Variants in HERC3 observed in about 807,000 individuals in gnomAD.
HERC3 encodes HECT and RLD domain containing E3 ubiquitin protein ligase 3.
In HERC3, 58 loss-of-function variants were observed where a neutral mutation model predicts 129.9. The ratio of observed to expected loss-of-function variants is 0.45; its 90% CI spans 0.36 to 0.56. HERC3 has a LOEUF of 0.56. HERC3 is among the 20% of genes least tolerant of loss of function. The probability of loss-of-function intolerance (pLI) is 0.00; values close to 1 mark genes in which losing one functional copy is unlikely to be tolerated. For synonymous variants in HERC3, 430 were observed against 451.0 expected, an observed-to-expected ratio of 0.95 and a Z score of 0.59; for missense variants, 835 against 1,244.2, an observed-to-expected ratio of 0.67 and a Z score of 4.95.
At chr4:88,697,109 C>A (rs1734675431) in intron 23 of HERC3, 2 of 1,259,638 alleles carry the variant, frequency 1.6e-6, no homozygotes, top group South Asian at 3.7e-5. Context: ...GTATTTTGGT[C>A]AAAAACCTGA....
chr4:88,546,898 T>C, the HERC3 span, among the ~76,000 whole-genome samples: 1 of 152,220 alleles, frequency 6.6e-6, no homozygotes, highest in Non-Finnish European at 1.5e-5. Flanking sequence ...CCTGAGTTAC[T>C]ATTCTTCAAT....
At position 88,605,953 on chromosome 4, in the gene HERC3, A is replaced by G; in HGVS notation, c.130A>G (p.Asn44Asp). ...RSVKEVACGGNHSVFLLEDGE... is the reference protein window; with the variant it reads ...RSVKEVACGGDHSVFLLEDGE... ...TGTCAAGGAAGTGGCCTGTGGGGGAAACCACTCTGTGTTCCTGCTGGAAGA... is the reference window on the plus strand; with the variant it reads ...TGTCAAGGAAGTGGCCTGTGGGGGAGACCACTCTGTGTTCCTGCTGGAAGA... Residue 44 changes from asparagine (N) to aspartate (D), a missense_variant, in exon 3 of 26, where the codon AAC (asparagine) becomes GAC (aspartate). By Grantham distance (23) the Asn-to-Asp change is conservative. Coordinates refer to ENST00000402738, the MANE Select transcript of HERC3 (RefSeq NM_014606.3). The G allele has an allele frequency of 1.9e-6, 3 of 1,614,150 alleles. No individual in the cohort carries two copies. The highest frequency in any genetic ancestry group is 2.5e-6 in the Non-Finnish European group (3 of 1,180,030).
intron 3 of HERC3, among the ~76,000 whole-genome samples, chr4:88,629,700 A>G (rs1412602860): frequency 6.6e-6 from 1 of 152,222 alleles, no homozygotes; most frequent in Non-Finnish European, 1.5e-5. Flanking sequence ...TTGGATTTGT[A>G]TCATAACTTT....
At chr4:88,544,543 A>G in the HERC3 span, among the ~76,000 whole-genome samples, 1 of 152,230 alleles carries the variant, frequency 6.6e-6, no homozygotes, top group African/African-American at 2.4e-5. Context: ...TAGAAATATC[A>G]TTTGACCCAG....
chr4:88,657,482 A>C (rs1560728610), intron 9 of HERC3: 1 of 152,212 alleles, frequency 6.6e-6, no homozygotes. Flanking sequence ...TTTCTCCAAG[A>C]CATTGTACTC....
chr4:88,601,483 G>A (rs1454599957), intron 2 of HERC3, among the ~76,000 whole-genome samples: 1 of 152,214 alleles, frequency 6.6e-6, no homozygotes, highest in Non-Finnish European at 1.5e-5. Flanking sequence ...CCAATTAGCT[G>A]TCTCCTTCAT....
Position 88,667,428 on chromosome 4 carries a change from C to T in HERC3, c.1383C>T (p.Asn461=). 2 of 1,610,288 alleles carry T rather than the reference C, an allele frequency of 1.2e-6. No homozygotes were observed. Among genetic ancestry groups the T allele is most frequent in the Non-Finnish European group, 1.7e-6 (2 of 1,177,950 alleles). The change falls in exon 13 of 26, where the codon AAC becomes AAT. Residue 461 remains asparagine, a synonymous_variant. Transcript: ENST00000402738. The part of the protein sequence containing the change: ...TSPKIPGIDL[N]STRVLFEKLM... ...CCAAAATCCCTGGGATTGACCTGAA[C>T]TCAACTAGGGTGTTATTTGAGAAGT...
At chr4:88,673,136 G>A (rs1731789221) in intron 16 of HERC3, among the ~76,000 whole-genome samples, 1 of 152,188 alleles carries the variant, frequency 6.6e-6, no homozygotes, top group Admixed American at 6.5e-5. Flanking sequence ...CAGCACAAGT[G>A]GGGAAAGTCA....
the HERC3 span, among the ~76,000 whole-genome samples, chr4:88,585,629 A>C: frequency 6.6e-6 from 1 of 151,796 alleles, no homozygotes; most frequent in Non-Finnish European, 1.5e-5. Flanking sequence ...GTTTGTATAG[A>C]ACTTCCTTTC....
chr4:88,576,018 A>G, the HERC3 span, among the ~76,000 whole-genome samples: 1 of 152,152 alleles, frequency 6.6e-6, no homozygotes, highest in Non-Finnish European at 1.5e-5. Context: ...GACCTTAATA[A>G]AGGACAGCAC....
At chr4:88,617,836 A>G (rs1412512713) in intron 3 of HERC3, among the ~76,000 whole-genome samples, 1 of 151,850 alleles carries the variant, frequency 6.6e-6, no homozygotes, top group East Asian at 1.9e-4. Context: ...GCACCACTGT[A>G]CTCCAGCCTG....
chr4:88,697,241 C>T (rs767800603), intron 23 of HERC3: 6 of 1,537,208 alleles, frequency 3.9e-6, no homozygotes, highest in Non-Finnish European at 5.2e-6. Context: ...TCGGCGTGGG[C>T]ATCGTCATGT....
intron 23 of HERC3, among the ~76,000 whole-genome samples, chr4:88,702,929 C>T (rs1205010962): frequency 6.6e-6 from 1 of 152,180 alleles, no homozygotes; most frequent in Non-Finnish European, 1.5e-5. Context: ...CTGAGACCCA[C>T]AATCTGCAGC....
chr4:88,664,330 T>C, intron 12 of HERC3, 118 bp downstream of exon 12: 1 of 770,658 alleles, frequency 1.3e-6, no homozygotes, highest in South Asian at 1.8e-5. Context: ...GATGCTGTGA[T>C]CATGCCTGTG....
At chr4:88,630,199 A>G (rs1726584762) in intron 3 of HERC3, among the ~76,000 whole-genome samples, 1 of 152,144 alleles carries the variant, frequency 6.6e-6, no homozygotes, top group Admixed American at 6.5e-5. Flanking sequence ...ACCCTTGGAA[A>G]ATGTTTTAGT....
At position 88,670,201 on chromosome 4, in the gene HERC3, C is replaced by T. The variant is rs556078295; in HGVS notation, c.1860C>T (p.Leu620=). Reference sequence around the variant, plus strand: ...TTTACATTCCTGAGATTTCCAATCTCGTGGACATTCAGGAAGACTACCTCA... The same window carrying T: ...TTTACATTCCTGAGATTTCCAATCTTGTGGACATTCAGGAAGACTACCTCA... ...DTFYIPEISN[L]VDIQEDYLMW... is the part of the protein sequence containing the mutation. The change falls in exon 16 of 26, where the codon CTC becomes CTT. Residue 620 remains leucine, a synonymous_variant. Transcript: ENST00000402738. 21 of 1,613,538 alleles carry T rather than the reference C, an allele frequency of 1.3e-5. No homozygotes were observed. The highest frequency in any genetic ancestry group is 1.2e-4 in the South Asian group (11 of 91,062).
At chr4:88,696,776 A>C (rs1393610905) in intron 23 of HERC3, 1 of 159,312 alleles carries the variant, frequency 6.3e-6, no homozygotes, top group East Asian at 1.8e-4. Context: ...CTGCACTGCG[A>C]AATGTCATGA....
intron 7 of HERC3, among the ~76,000 whole-genome samples, chr4:88,654,349 CATATATATATATATATAT>C (rs869126362): frequency 7.0e-4 from 50 of 70,950 alleles, no homozygotes; most frequent in Non-Finnish European, 1.1e-3. Context: ...GTAGATTTTT[CATATATATATATATATAT>C]ATATATATAT....
At chr4:88,691,326 C>T (rs771170006) in intron 23 of HERC3, among the ~76,000 whole-genome samples, 1 of 152,128 alleles carries the variant, frequency 6.6e-6, no homozygotes, top group Non-Finnish European at 1.5e-5. Context: ...GGCAGGAGAC[C>T]CTGTTGCTGT....
Sources: gnomAD v4.1 joint callset for allele counts (sites outside exome capture counted in the v4.1 genomes callset) on GRCh38, gnomAD v4.1.1 for gene constraint, MANE v1.5 for transcripts, NCBI Gene and HGNC (gene_info 2026-07-23, HGNC 2026-07-21) for gene names.